Variants in SWT1 observed in about 807,000 individuals in gnomAD.
SWT1 encodes transcriptional protein SWT1.
SWT1 carries 33 observed loss-of-function variants against 107.3 expected under a neutral mutation model. The ratio of observed to expected loss-of-function variants is 0.31; its 90% CI spans 0.23 to 0.41. SWT1 has a LOEUF of 0.41. SWT1 is among the 10% of genes least tolerant of loss of function. The pLI is 1.00. For missense variants in SWT1, 898 were observed against 1,028.9 expected (o/e 0.87, Z 1.74); for synonymous variants, 345 against 348.3 (o/e 0.99, Z 0.11).
chr1:185,271,518 T>C, intron 17 of SWT1, 129 bp downstream of exon 17: 2 of 586,106 alleles, frequency 3.4e-6, no homozygotes. Context: ...AATTATTGAA[T>C]GCCATAAAAG....
rs540718133 is a variant in SWT1, at chr1:185,235,923, C to G, written c.2441+4215C>G. Among the ~76,000 whole-genome samples the G allele has an allele frequency of 3.9e-5, 6 of 152,196 alleles. No individual in the cohort carries two copies. In the East Asian group the frequency reaches 1.2e-3, roughly 29 times the overall value. ...TTACAATAATAACAAACAGCCAAAT[C>G]AAGAGTGAACTCCCATTCACAATTG... On this transcript the variant is annotated intron_variant, in intron 16 of 18. Coordinates refer to ENST00000367500, the MANE Select transcript of SWT1 (RefSeq NM_017673.7).
chr1:185,257,159 C>G (rs1201292769), intron 16 of SWT1, among the ~76,000 whole-genome samples: 1 of 152,140 alleles, frequency 6.6e-6, no homozygotes, highest in Non-Finnish European at 1.5e-5. Context: ...CAGCTGTGTG[C>G]TGGGAGAACC....
chr1:185,172,253 C>G (rs541202163), intron 4 of SWT1, among the ~76,000 whole-genome samples: 1 of 152,278 alleles, frequency 6.6e-6, no homozygotes, highest in South Asian at 2.1e-4. Flanking sequence ...TCACCTCTAG[C>G]TATTGCTGTT....
Position 185,166,443 on chromosome 1 carries a change from C to A in SWT1, c.85-129C>A, listed in dbSNP as rs1207218166. Reference sequence around the variant, plus strand: ...TTACCAAAGTTTGTGTATCTGTAAACATTGTTCCCCACCGAAGTTCATTAT... The same window carrying A: ...TTACCAAAGTTTGTGTATCTGTAAAAATTGTTCCCCACCGAAGTTCATTAT... On this transcript the variant is annotated intron_variant, in intron 2 of 18. Transcript: ENST00000367500. 5 of 590,228 alleles carry A rather than the reference C, an allele frequency of 8.5e-6. No individual in the cohort carries two copies. The Admixed American group carries it at 1.3e-4, about 16-fold the overall frequency. The allele number at this position is 590,228 out of a possible 1,614,324, so 36.6% of individuals were successfully genotyped here. A position where few individuals can be genotyped will look rare whatever the true frequency, so the allele number is the denominator to read the frequency against.
chr1:185,215,663 C>T (rs980259599), intron 14 of SWT1, among the ~76,000 whole-genome samples: 4 of 152,074 alleles, frequency 2.6e-5, no homozygotes, highest in Admixed American at 6.6e-5. Flanking sequence ...GTCAGCCCCC[C>T]GAATAGCTGG....
chr1:185,271,438 T>C (rs753751771), intron 17 of SWT1, 49 bp downstream of exon 17: 1 of 958,082 alleles, frequency 1.0e-6, no homozygotes, highest in Admixed American at 2.0e-5. Flanking sequence ...TTTAAACAAA[T>C]TTTAATGTAA....
chr1:185,180,584 A>C, intron 6 of SWT1, 134 bp downstream of exon 6: 1 of 694,680 alleles, frequency 1.4e-6, no homozygotes, highest in Non-Finnish European at 2.4e-6. Flanking sequence ...ATCAATATGT[A>C]AGGTTTTATG....
intron 2 of SWT1, among the ~76,000 whole-genome samples, chr1:185,164,582 C>T (rs772787302): frequency 6.6e-6 from 1 of 152,216 alleles, no homozygotes; most frequent in Non-Finnish European, 1.5e-5. Flanking sequence ...TTAGCATTTG[C>T]TGTTTCACCT....
At chr1:185,235,221 A>G (rs891828155) in intron 16 of SWT1, among the ~76,000 whole-genome samples, 5 of 152,248 alleles carry the variant, frequency 3.3e-5, no homozygotes, top group South Asian at 2.1e-4. Flanking sequence ...TTATGAGGCC[A>G]GCATCATCCT....
intron 10 of SWT1, among the ~76,000 whole-genome samples, chr1:185,197,564 T>C (rs1227797805): frequency 6.6e-6 from 1 of 152,182 alleles, no homozygotes; most frequent in Admixed American, 6.5e-5. Context: ...CTAGTAGAAT[T>C]TGGCTGTGAA....
chr1:185,172,449 A>G (rs72724104), intron 4 of SWT1, among the ~76,000 whole-genome samples: 11 of 152,326 alleles, frequency 7.2e-5, no homozygotes, highest in Non-Finnish European at 1.3e-4. Context: ...GTCACTTTTT[A>G]AAGTCATTTC....
At chr1:185,250,825 G>A (rs1052537785) in intron 16 of SWT1, among the ~76,000 whole-genome samples, 1 of 152,020 alleles carries the variant, frequency 6.6e-6, no homozygotes, top group Non-Finnish European at 1.5e-5. Flanking sequence ...ACCATGCCCA[G>A]CTAACTTTTG....
At chr1:185,275,711 C>G (rs1397857219) in intron 17 of SWT1, among the ~76,000 whole-genome samples, 1 of 151,862 alleles carries the variant, frequency 6.6e-6, no homozygotes, top group African/African-American at 2.4e-5. Flanking sequence ...TTTAAACTTA[C>G]AGTGAATGAA....
At chr1:185,270,838 CA>C (rs1384851939) in intron 16 of SWT1, among the ~76,000 whole-genome samples, 2 of 152,166 alleles carry the variant, frequency 1.3e-5, no homozygotes, top group Non-Finnish European at 2.9e-5. Flanking sequence ...ATAGTTCAAG[CA>C]ATGTTATTTG....
chr1:185,205,314 C>CT (rs1188363072), intron 12 of SWT1, among the ~76,000 whole-genome samples: 1 of 152,008 alleles, frequency 6.6e-6, no homozygotes, highest in Non-Finnish European at 1.5e-5. Context: ...GGATTCACAC[C>CT]TTTTTGACAA....
At position 185,257,903 on chromosome 1, in the gene SWT1, A is replaced by T. The variant is rs1034125869; in HGVS notation, c.2442-13420A>T. On this transcript the variant is annotated intron_variant, in intron 16 of 18. Transcript: ENST00000367500. ...CCTCTTGTTTTTGTTTTATTATTTT[A>T]TTTTTTTTTAAGTCCAGTCAAGTGA... 16 of 151,258 alleles carry T rather than the reference A, an allele frequency of 1.1e-4. 1 individual carries two copies. The highest frequency in any genetic ancestry group is 3.4e-3 in the Middle Eastern group (1 of 292). The allele number at this position is 151,258 out of a possible 1,614,324, so 9.4% of individuals were successfully genotyped here.
intron 16 of SWT1, among the ~76,000 whole-genome samples, chr1:185,249,110 ATC>A (rs1661824717): frequency 6.6e-6 from 1 of 152,144 alleles, no homozygotes; most frequent in Non-Finnish European, 1.5e-5. Flanking sequence ...TAGAGGCTGG[ATC>A]TCCAGCCTCT....
intron 4 of SWT1, 52 bp from the exon 5 acceptor site, chr1:185,174,320 G>A: frequency 7.1e-7 from 1 of 1,410,838 alleles, no homozygotes; most frequent in Middle Eastern, 2.2e-4. Context: ...ATGATAGAGT[G>A]CAACATTATG....
intron 16 of SWT1, among the ~76,000 whole-genome samples, chr1:185,262,786 C>CTTTTT (rs572086827): frequency 4.4e-5 from 6 of 135,474 alleles, no homozygotes; most frequent in Non-Finnish European, 9.6e-5. Context: ...TTTCTTCTTT[C>CTTTTT]TTTTTTTTTT....
Sources: allele counts gnomAD v4.1 joint callset (sites outside exome capture counted in the v4.1 genomes callset), GRCh38; gene constraint gnomAD v4.1.1; transcripts MANE v1.5; gene names NCBI Gene and HGNC (gene_info 2026-07-23, HGNC 2026-07-21).